KNSTRN: variants seen among roughly 807,000 people sequenced by gnomAD.
The protein encoded by KNSTRN is kinetochore localized astrin (SPAG5) binding protein, also known as small kinetochore-associated protein.
KNSTRN carries 38 observed loss-of-function variants against 44.7 expected under a neutral mutation model. The observed-to-expected ratio is 0.85, with a 90% CI of 0.66 to 1.11. The LOEUF (loss-of-function observed/expected upper bound fraction) is 1.11, where lower values mean the gene tolerates loss of function less well. Among genes scored for constraint, KNSTRN ranks in the 50% most tolerant of loss-of-function variants. KNSTRN has a pLI of 0.00. For missense variants in KNSTRN, 406 were observed against 375.8 expected, an observed-to-expected ratio of 1.08 and a Z score of -0.66; for synonymous variants, 158 against 148.1, an observed-to-expected ratio of 1.07 and a Z score of -0.48.
chr15:40,389,431 A>G lies in KNSTRN; in HGVS notation c.486-75A>G, dbSNP rs1889958933. On this transcript the variant is annotated intron_variant, in intron 4 of 8. Transcript: ENST00000249776. ...CTCCCAAAGTGCTGGGATTACAGGCATGAGCTACCGCACCTGGTGTGGGCC... is the reference window on the plus strand; with the variant it reads ...CTCCCAAAGTGCTGGGATTACAGGCGTGAGCTACCGCACCTGGTGTGGGCC... 3 of 1,094,328 alleles carry G rather than the reference A, an allele frequency of 2.7e-6. No individual in the cohort carries two copies. In the South Asian group the frequency reaches 3.9e-5, roughly 14 times the overall value. The allele number at this position is 1,094,328 out of a possible 1,614,324, so 67.8% of individuals were successfully genotyped here.
At chr15:40,387,844 C>T (rs1164482588) in intron 4 of KNSTRN, among the ~76,000 whole-genome samples, 1 of 152,022 alleles carries the variant, frequency 6.6e-6, no homozygotes, top group Non-Finnish European at 1.5e-5. Flanking sequence ...CCCATCTCTA[C>T]TAAAAATACA....
chr15:40,390,483 C>T (rs1317551974), intron 6 of KNSTRN, among the ~76,000 whole-genome samples: 1 of 152,174 alleles, frequency 6.6e-6, no homozygotes, highest in Non-Finnish European at 1.5e-5. Flanking sequence ...AAGGAATTGC[C>T]CAAAGACTGT....
intron 5 of KNSTRN, 28 bp downstream of exon 5, chr15:40,389,639 C>T (rs760256745): frequency 1.2e-5 from 18 of 1,533,228 alleles, no homozygotes; most frequent in Non-Finnish European, 1.4e-5. Context: ...GCTCTGTTAC[C>T]AGCTGCCACT....
At chr15:40,393,041 G>A (rs1890028465) in intron 8 of KNSTRN, among the ~76,000 whole-genome samples, 1 of 151,350 alleles carries the variant, frequency 6.6e-6, no homozygotes, top group Non-Finnish European at 1.5e-5. Flanking sequence ...TCTTGCAAAT[G>A]TTCACATCAC....
intron 8 of KNSTRN, chr15:40,393,228 G>A: frequency 1.9e-6 from 3 of 1,613,942 alleles, no homozygotes; most frequent in Non-Finnish European, 2.5e-6. Context: ...TGCACCAAAT[G>A]TAGAGGATTT....
chr15:40,383,236 C>G lies in KNSTRN; in HGVS notation c.218C>G (p.Pro73Arg). ...CATCCTGTACCTTCCAGGGTTCAGC[C>G]GTGCCGCCTCGTTACGATGACCAGT... ...GQDRRAPGVQ[P>R]CRLVTMTSVV... is the part of the protein sequence containing the mutation. The change falls in exon 2 of 9, where the codon CCG becomes CGG. Residue 73 changes from proline to arginine, a missense_variant. Physicochemically the swap from Pro to Arg is moderately radical, Grantham distance 103 (BLOSUM62 -2). Transcript: ENST00000249776. 5 of 1,613,916 alleles carry G rather than the reference C, an allele frequency of 3.1e-6. No individual in the cohort carries two copies. The highest frequency in any genetic ancestry group is 4.2e-6 in the Non-Finnish European group (5 of 1,179,754).
At chr15:40,384,254 G>A in intron 2 of KNSTRN, 2 of 292,236 alleles carry the variant, frequency 6.8e-6, no homozygotes, top group South Asian at 5.3e-5. Flanking sequence ...GGCGCCTGTA[G>A]TCCCAGCTAC....
chr15:40,384,669 A>G (rs978262447), intron 2 of KNSTRN: 26 of 263,332 alleles, frequency 9.9e-5, no homozygotes, highest in African/African-American at 4.3e-4. Flanking sequence ...AACAGTTTCA[A>G]ATTTTTAGGC....
chr15:40,390,867 G>A (rs142668469), intron 6 of KNSTRN, among the ~76,000 whole-genome samples: 8 of 152,174 alleles, frequency 5.3e-5, no homozygotes, highest in South Asian at 2.1e-4. Flanking sequence ...TGCCTGTCTC[G>A]GCCTCCCAGA....
Position 40,393,532 on chromosome 15 carries a change from T to A in KNSTRN, c.886T>A (p.Cys296Ser). The change falls in exon 9 of 9, where the codon TGT becomes AGT. Residue 296 changes from cysteine to serine, a missense_variant. Coordinates refer to ENST00000249776, the MANE Select transcript of KNSTRN (RefSeq NM_033286.4). ...CCGATTCCTAGAACAGCAAACCTTATGTAACAATCAAGTAAATGATTTAAC... is the reference window on the plus strand; with the variant it reads ...CCGATTCCTAGAACAGCAAACCTTAAGTAACAATCAAGTAAATGATTTAAC... ...RVRFLEQQTL[C>S]NNQVNDLTTA... The A allele has an allele frequency of 6.2e-7, 1 of 1,614,146 alleles. No homozygotes were observed. Among genetic ancestry groups the A allele is most frequent in the South Asian group, 1.1e-5 (1 of 91,088 alleles).
chr15:40,390,666 G>A (rs1310381133), intron 6 of KNSTRN, among the ~76,000 whole-genome samples: 2 of 151,566 alleles, frequency 1.3e-5, no homozygotes. Flanking sequence ...CCAAGCTGAA[G>A]TGCAGAGGTG....
rs150753348 is a variant in KNSTRN at position 40,393,860 on chromosome 15, T to C, written c.*263T>C. On this transcript the variant is annotated 3_prime_UTR_variant, in exon 9 of 9. Transcript: ENST00000249776. The stretch of plus-strand genomic sequence containing the variant: ...AGAGAGGGGAGCCTAGGAGCTTGGA[T>C]TGACCTTCTAGTCAACCACCTGACT... The C allele has an allele frequency of 5.3e-4, 135 of 255,006 alleles. No homozygotes were observed. Among genetic ancestry groups the C allele is most frequent in the African/African-American group, 2.8e-3 (123 of 43,782 alleles). 15.8% of individuals were successfully genotyped at this position (255,006 alleles called of 1,614,324 possible). A position where few individuals can be genotyped will look rare whatever the true frequency, so the allele number is the denominator to read the frequency against.
rs1225104902 is a variant in KNSTRN at position 40,393,605 on chromosome 15, C to G, written c.*8C>G. The G allele has an allele frequency of 6.2e-7, 1 of 1,612,316 alleles. No individual in the cohort carries two copies. The highest frequency in any genetic ancestry group is 8.5e-7 in the Non-Finnish European group (1 of 1,179,168). On this transcript the variant is annotated 3_prime_UTR_variant, in exon 9 of 9. Transcript: ENST00000249776. ...CAGCTATTAGAAATGTAAGAAGAAG[C>G]AAGTGGCCAGATGGCTCCCTCTTGG...
intron 8 of KNSTRN, chr15:40,393,125 A>G (rs28379196): frequency 0.13 from 196,960 of 1,530,284 alleles, 13,621 homozygotes; most frequent in Non-Finnish European, 0.14. Flanking sequence ...AATCCATTCT[A>G]TGGAAACTTG....
At chr15:40,386,052 A>G (rs1454523373) in intron 2 of KNSTRN, among the ~76,000 whole-genome samples, 1 of 152,204 alleles carries the variant, frequency 6.6e-6, no homozygotes, top group African/African-American at 2.4e-5. Flanking sequence ...GCTGGGCAAC[A>G]TAGTGAGACC....
intron 6 of KNSTRN, among the ~76,000 whole-genome samples, chr15:40,390,170 C>G (rs1389765179): frequency 2.0e-5 from 3 of 152,214 alleles, no homozygotes; most frequent in African/African-American, 7.2e-5. Flanking sequence ...CACTTTATGC[C>G]ATTCATTTAG....
intron 2 of KNSTRN, chr15:40,384,661 C>G (rs1889874038): frequency 3.8e-6 from 1 of 265,632 alleles, no homozygotes; most frequent in Admixed American, 5.1e-5. Flanking sequence ...GTAACTGGAA[C>G]AGTTTCAAAT....
At chr15:40,390,361 A>G (rs1490668080) in intron 6 of KNSTRN, among the ~76,000 whole-genome samples, 1 of 152,250 alleles carries the variant, frequency 6.6e-6, no homozygotes, top group African/African-American at 2.4e-5. Flanking sequence ...AGAAAATACT[A>G]TTTCAAGCAT....
rs7164321 is a variant in KNSTRN at position 40,383,128 on chromosome 15, A to G, written c.209+84A>G. On this transcript the variant is annotated intron_variant, in intron 1 of 8. Transcript: ENST00000249776. Reference sequence around the variant, plus strand: ...GGAAAGGAGGATTTTCTCTTTTCCAACCCCGAGCCGGGGCCTGTCGGGTCG... The same window carrying G: ...GGAAAGGAGGATTTTCTCTTTTCCAGCCCCGAGCCGGGGCCTGTCGGGTCG... 0.11 allele frequency: 174,517 copies of G among 1,588,574 alleles called. 10,593 individuals are homozygous for G. The highest frequency in any genetic ancestry group is 0.13 in the Non-Finnish European group (146,547 of 1,160,934).
Sources: gnomAD v4.1 joint callset for allele counts (sites outside exome capture counted in the v4.1 genomes callset) on GRCh38, gnomAD v4.1.1 for gene constraint, MANE v1.5 for transcripts, NCBI Gene and HGNC (gene_info 2026-07-23, HGNC 2026-07-21) for gene names.